The following SLC30A4 variants were observed in gnomAD, a reference collection of about 807,000 sequenced individuals.
SLC30A4 encodes probable proton-coupled zinc antiporter SLC30A4.
In SLC30A4, 20 loss-of-function variants were observed where a neutral mutation model predicts 41.7. That is an observed-to-expected ratio of 0.48 (90% CI 0.34 to 0.70). SLC30A4 has a LOEUF of 0.70. Ranked by LOEUF, SLC30A4 falls within the 30% of genes least tolerant of loss-of-function variation. The pLI, the probability that SLC30A4 is intolerant of heterozygous loss-of-function variation, is 0.01. For missense variants in SLC30A4, 441 were observed against 529.3 expected, an observed-to-expected ratio of 0.83 and a Z score of 1.64; for synonymous variants, 181 against 195.9, an observed-to-expected ratio of 0.92 and a Z score of 0.64.
chr15:45,494,278 C>T (rs1365302538), intron 3 of SLC30A4, among the ~76,000 whole-genome samples: 1 of 151,560 alleles, frequency 6.6e-6, no homozygotes, highest in Non-Finnish European at 1.5e-5. Flanking sequence ...TACTTAATAC[C>T]CCAAAAAACA....
intron 3 of SLC30A4, among the ~76,000 whole-genome samples, chr15:45,498,909 G>C (rs1020262295): frequency 6.6e-6 from 1 of 152,050 alleles, no homozygotes; most frequent in Non-Finnish European, 1.5e-5. Flanking sequence ...TATCCATAGA[G>C]CAAGAGGGGA....
At chr15:45,490,580 C>T (rs113658238) in intron 4 of SLC30A4, 148 bp downstream of exon 4, 14 of 491,412 alleles carry the variant, frequency 2.8e-5, no homozygotes, top group African/African-American at 9.8e-5. Context: ...GAATTTATAA[C>T]GTCCATAGTG....
At chr15:45,509,279 A>G (rs1394241918) in intron 3 of SLC30A4, among the ~76,000 whole-genome samples, 1 of 146,730 alleles carries the variant, frequency 6.8e-6, no homozygotes, top group Non-Finnish European at 1.5e-5. Context: ...GAGAGACAAG[A>G]GTCTTACTCT....
Position 45,522,408 on chromosome 15 carries a change from G to A in SLC30A4, c.-54C>T, listed in dbSNP as rs1369298597. On this transcript the variant is annotated 5_prime_UTR_variant, in exon 2 of 8. Transcript: ENST00000261867. The stretch of plus-strand genomic sequence containing the variant: ...ACGGCTTGGGGGAGGCGGACGGCCG[G>A]CGGCGCCTACTTCACCGGAGCGCCA... 4.6e-5 allele frequency: 70 copies of A among 1,508,556 alleles called. No homozygotes were observed. Among genetic ancestry groups the A allele is most frequent in the Middle Eastern group, 2.5e-4 (1 of 4,054 alleles). The allele number at this position is 1,508,556 out of a possible 1,614,324, so 93.4% of individuals were successfully genotyped here.
At chr15:45,489,092 ACAT>A (rs1277128247) in intron 4 of SLC30A4, 50 bp from the exon 5 acceptor site, 1 of 1,300,138 alleles carries the variant, frequency 7.7e-7, no homozygotes, top group Middle Eastern at 2.0e-4. Context: ...ATTGACAAAA[ACAT>A]TTGTCACTAG....
chr15:45,496,551 G>A (rs1359823268), intron 3 of SLC30A4, among the ~76,000 whole-genome samples: 3 of 152,022 alleles, frequency 2.0e-5, no homozygotes, highest in Non-Finnish European at 4.4e-5. Context: ...TTAGCTTTAG[G>A]TAAATTCGTT....
chr15:45,491,224 A>G (rs190482711), intron 3 of SLC30A4, among the ~76,000 whole-genome samples: 145 of 152,188 alleles, frequency 9.5e-4, no homozygotes, highest in African/African-American at 3.3e-3. Flanking sequence ...TAGCACTTAC[A>G]GAAAAAAAAA....
intron 7 of SLC30A4, among the ~76,000 whole-genome samples, chr15:45,485,704 G>A (rs934567522): frequency 6.6e-6 from 1 of 151,868 alleles, no homozygotes; most frequent in African/African-American, 2.4e-5. Context: ...AAAAGAGCAT[G>A]GGAAATATTC....
In SLC30A4 at chr15:45,522,314, A is replaced by C; in HGVS notation, c.41T>G (p.Leu14Arg). ...AAACAGCGGCGCATCATCCTTCCTT[A>C]GCATAGATTTGAGGCGCTTCCACGC... ...SGAWKRLKSM[L>R]RKDDAPLFLN... is the part of the protein sequence containing the mutation. Residue 14 changes from leucine to arginine, a missense_variant, in exon 2 of 8, where the codon CTA (leucine) becomes CGA (arginine). By Grantham distance (102) the Leu-to-Arg change is moderately radical. Coordinates refer to ENST00000261867, the MANE Select transcript of SLC30A4 (RefSeq NM_013309.6). 1 of 1,613,760 alleles carries C rather than the reference A, an allele frequency of 6.2e-7. No homozygotes were observed. The highest frequency in any genetic ancestry group is 8.5e-7 in the Non-Finnish European group (1 of 1,179,964).
chr15:45,511,012 T>C (rs1437516148), intron 3 of SLC30A4, 126 bp downstream of exon 3: 1 of 711,764 alleles, frequency 1.4e-6, no homozygotes, highest in African/African-American at 1.8e-5. Flanking sequence ...ATAAATTTTG[T>C]TTATCTATTT....
At chr15:45,515,665 A>C (rs944731923) in intron 2 of SLC30A4, 35 of 151,700 alleles carry the variant, frequency 2.3e-4, no homozygotes, top group African/African-American at 7.7e-4. Flanking sequence ...AAATAAATAA[A>C]TAAATAAATA....
chr15:45,485,674 A>C (rs193064192), intron 7 of SLC30A4, among the ~76,000 whole-genome samples: 3 of 152,196 alleles, frequency 2.0e-5, no homozygotes, highest in East Asian at 1.9e-4. Flanking sequence ...AAATGTAAGA[A>C]TCTAGCTTTT....
At chr15:45,504,402 G>A (rs1195646051) in intron 3 of SLC30A4, among the ~76,000 whole-genome samples, 1 of 151,994 alleles carries the variant, frequency 6.6e-6, no homozygotes. Flanking sequence ...AAGTAGAGAC[G>A]GACAAGAACT....
At chr15:45,489,230 T>C (rs776770363) in intron 4 of SLC30A4, among the ~76,000 whole-genome samples, 188 bp from the exon 5 acceptor site, 9 of 152,082 alleles carry the variant, frequency 5.9e-5, no homozygotes, top group Non-Finnish European at 1.3e-4. Flanking sequence ...CCTACCCCCA[T>C]GGAGCTTATG....
At chr15:45,517,861 T>C (rs545880664) in intron 2 of SLC30A4, among the ~76,000 whole-genome samples, 1 of 152,148 alleles carries the variant, frequency 6.6e-6, no homozygotes, top group South Asian at 2.1e-4. Flanking sequence ...GGCAGGAGAA[T>C]GGCACGAACC....
intron 3 of SLC30A4, among the ~76,000 whole-genome samples, chr15:45,506,372 CT>C (rs1446798315): frequency 6.6e-6 from 1 of 152,192 alleles, no homozygotes; most frequent in Non-Finnish European, 1.5e-5. Context: ...AACCAAGCTT[CT>C]TGTGGGGATT....
At chr15:45,521,896 T>C in intron 2 of SLC30A4, 68 bp downstream of exon 2, 1 of 1,502,924 alleles carries the variant, frequency 6.7e-7, no homozygotes, top group South Asian at 1.3e-5. Context: ...TCAAAGCCTG[T>C]GTAACTACAG....
intron 3 of SLC30A4, among the ~76,000 whole-genome samples, chr15:45,495,440 T>C (rs182516019): frequency 1.2e-4 from 19 of 152,324 alleles, no homozygotes; most frequent in Admixed American, 1.0e-3. Context: ...AGATATAATA[T>C]TGGATGCCCA....
intron 6 of SLC30A4, 147 bp from the exon 7 acceptor site, chr15:45,486,892 A>G (rs1891714635): frequency 2.0e-6 from 1 of 495,882 alleles, no homozygotes; most frequent in African/African-American, 2.0e-5. Context: ...TTCAAGATAA[A>G]CCATGTACAC....
Sources: gnomAD v4.1 joint callset for allele counts (sites outside exome capture counted in the v4.1 genomes callset) on GRCh38, gnomAD v4.1.1 for gene constraint, MANE v1.5 for transcripts, NCBI Gene and HGNC (gene_info 2026-07-23, HGNC 2026-07-21) for gene names.